The following CDS1 variants were observed in gnomAD, a reference collection of about 807,000 sequenced individuals.
The protein encoded by CDS1 is CDP-diacylglycerol synthase 1, also known as phosphatidate cytidylyltransferase 1.
Under a neutral mutation model 62.1 loss-of-function variants are expected in CDS1, and 41 were observed. The observed-to-expected ratio is 0.66, with a 90% CI of 0.51 to 0.86. The LOEUF (loss-of-function observed/expected upper bound fraction) is 0.86, where lower values mean the gene tolerates loss of function less well. Among genes scored for constraint, CDS1 ranks in the 40% least tolerant of loss-of-function variants. The probability of loss-of-function intolerance (pLI) is 0.00; values close to 1 mark genes in which losing one functional copy is unlikely to be tolerated. For missense variants in CDS1, 470 were observed against 550.1 expected (o/e 0.85, Z 1.46); for synonymous variants, 185 against 192.6 (o/e 0.96, Z 0.32).
chr4:84,600,632 T>C (rs1722908139), intron 1 of CDS1, among the ~76,000 whole-genome samples: 1 of 152,232 alleles, frequency 6.6e-6, no homozygotes. Context: ...GACTATTCTT[T>C]TCCATTGATC....
intron 5 of CDS1, among the ~76,000 whole-genome samples, chr4:84,624,259 G>C (rs1472759634): frequency 7.4e-6 from 1 of 135,824 alleles, no homozygotes; most frequent in African/African-American, 2.7e-5. Context: ...GGGAGACAGA[G>C]CAAGACTCTG....
At chr4:84,623,503 T>A (rs115719239) in intron 5 of CDS1, among the ~76,000 whole-genome samples, 2,844 of 152,178 alleles carry the variant, frequency 0.019, 84 homozygotes, top group African/African-American at 0.065. Context: ...CTACTAACAG[T>A]TTTCTATCTG....
chr4:84,638,886 T>A (rs775129780), intron 8 of CDS1, 38 bp from the exon 9 acceptor site: 5 of 793,432 alleles, frequency 6.3e-6, no homozygotes, highest in Non-Finnish European at 9.9e-6. Context: ...GTTTTGTGAG[T>A]GCAGTAAAGC....
intron 3 of CDS1, among the ~76,000 whole-genome samples, chr4:84,614,151 C>G (rs1723416965): frequency 6.6e-6 from 1 of 152,132 alleles, no homozygotes; most frequent in African/African-American, 2.4e-5. Context: ...GTGGCACACA[C>G]CTGTAGTCTC....
intron 1 of CDS1, among the ~76,000 whole-genome samples, chr4:84,584,095 A>C (rs370372221): frequency 1.8e-4 from 27 of 152,294 alleles, no homozygotes; most frequent in African/African-American, 6.5e-4. Context: ...GCTTCTTTTG[A>C]GTACACGACA....
chr4:84,638,870 T>C, intron 8 of CDS1, 54 bp from the exon 9 acceptor site: 2 of 517,628 alleles, frequency 3.9e-6, no homozygotes, highest in Non-Finnish European at 6.7e-6. Context: ...TATATATATA[T>C]TGTGAGTTTT....
At chr4:84,599,845 T>A (rs1722882939) in intron 1 of CDS1, among the ~76,000 whole-genome samples, 1 of 152,092 alleles carries the variant, frequency 6.6e-6, no homozygotes, top group Admixed American at 6.5e-5. Flanking sequence ...CATGAACATT[T>A]GTGCACAAGT....
chr4:84,601,944 T>C (rs1014654048), intron 1 of CDS1, among the ~76,000 whole-genome samples: 6 of 151,994 alleles, frequency 3.9e-5, no homozygotes, highest in African/African-American at 1.5e-4. Flanking sequence ...CATACATACA[T>C]ACATACATAC....
At chr4:84,635,130 T>A in intron 7 of CDS1, 134 bp from the exon 8 acceptor site, 2 of 562,726 alleles carry the variant, frequency 3.6e-6, no homozygotes, top group Middle Eastern at 4.6e-4. Flanking sequence ...GCAAGTGTTA[T>A]GTTCTGGGTA....
At chr4:84,589,173 G>A (rs1015920853) in intron 1 of CDS1, among the ~76,000 whole-genome samples, 1 of 152,158 alleles carries the variant, frequency 6.6e-6, no homozygotes, top group African/African-American at 2.4e-5. Flanking sequence ...TTCCCGTAAG[G>A]TTTGTATCTT....
intron 1 of CDS1, among the ~76,000 whole-genome samples, chr4:84,592,241 A>G (rs1251485344): frequency 7.2e-6 from 1 of 138,564 alleles, no homozygotes; most frequent in Non-Finnish European, 1.5e-5. Flanking sequence ...TTGGGTCACT[A>G]CAAGCTTCGC....
chr4:84,613,750 A>G (rs1020394535), intron 3 of CDS1, among the ~76,000 whole-genome samples: 1 of 152,192 alleles, frequency 6.6e-6, no homozygotes, highest in Non-Finnish European at 1.5e-5. Context: ...TAAGTGATGG[A>G]GTTACTAAAG....
chr4:84,605,423 A>C (rs540600103), intron 2 of CDS1, among the ~76,000 whole-genome samples: 1 of 152,254 alleles, frequency 6.6e-6, no homozygotes, highest in East Asian at 1.9e-4. Flanking sequence ...CGTATCTAGT[A>C]AATGTAATAT....
intron 1 of CDS1, among the ~76,000 whole-genome samples, chr4:84,583,806 A>T (rs1443640218): frequency 1.3e-5 from 2 of 152,022 alleles, no homozygotes; most frequent in African/African-American, 4.8e-5. Flanking sequence ...CTTCTTCAGG[A>T]TCTGGGGCCG....
intron 5 of CDS1, among the ~76,000 whole-genome samples, chr4:84,628,453 A>C (rs894385852): frequency 6.6e-6 from 1 of 151,920 alleles, no homozygotes. Context: ...TGTCTCATCT[A>C]TTGGGCTTTT....
chr4:84,583,331 T>G lies in CDS1; in HGVS notation c.-71T>G. 1 of 1,098,092 alleles carries G rather than the reference T, an allele frequency of 9.1e-7. No homozygotes were observed. The highest frequency in any genetic ancestry group is 1.3e-6 in the Non-Finnish European group (1 of 755,934). The allele number at this position is 1,098,092 out of a possible 1,614,324, so 68.0% of individuals were successfully genotyped here. A position where few individuals can be genotyped will look rare whatever the true frequency, so the allele number is the denominator to read the frequency against. On this transcript the variant is annotated 5_prime_UTR_variant, in exon 1 of 13. Transcript: ENST00000295887. ...CTGCGAGGTGGCGGGGCGCCCCGCC[T>G]GCAGAACCCTGCTTGCAGCTCAGGT... is the stretch of plus-strand genomic sequence containing the variant.
intron 10 of CDS1, among the ~76,000 whole-genome samples, chr4:84,642,202 G>A (rs574439820): frequency 1.3e-5 from 2 of 152,142 alleles, no homozygotes; most frequent in South Asian, 4.1e-4. Flanking sequence ...GCATACACCT[G>A]TAATTCCAGC....
chr4:84,644,465 CT>C (rs1482347675), intron 11 of CDS1, among the ~76,000 whole-genome samples: 6 of 152,248 alleles, frequency 3.9e-5, no homozygotes, highest in Non-Finnish European at 7.4e-5. Context: ...ATGGTATTTT[CT>C]TTAATGGTCT....
intron 8 of CDS1, among the ~76,000 whole-genome samples, 194 bp from the exon 9 acceptor site, chr4:84,638,730 A>T (rs1386843254): frequency 6.6e-6 from 1 of 152,102 alleles, no homozygotes; most frequent in East Asian, 1.9e-4. Flanking sequence ...ATGTGTTTAA[A>T]TATTATTAGA....
Sources: allele counts gnomAD v4.1 joint callset (sites outside exome capture counted in the v4.1 genomes callset), GRCh38; gene constraint gnomAD v4.1.1; transcripts MANE v1.5; gene names NCBI Gene and HGNC (gene_info 2026-07-23, HGNC 2026-07-21).